Variants in TMOD3 observed in about 807,000 individuals in gnomAD.
The protein encoded by TMOD3 is tropomodulin 3.
In TMOD3, 20 loss-of-function variants were observed where a neutral mutation model predicts 39.2. That is an observed-to-expected ratio of 0.51 (90% CI 0.36 to 0.74). TMOD3 has a LOEUF of 0.74. TMOD3 is among the 30% of genes least tolerant of loss of function. The pLI is 0.00. For synonymous variants in TMOD3, 143 were observed against 145.8 expected (o/e 0.98, Z 0.14); for missense variants, 381 against 412.8 (o/e 0.92, Z 0.67).
At chr15:51,870,174 A>G (rs2056468075) in intron 3 of TMOD3, among the ~76,000 whole-genome samples, 1 of 152,104 alleles carries the variant, frequency 6.6e-6, no homozygotes, top group African/African-American at 2.4e-5. Flanking sequence ...CCTGACCTCA[A>G]GTGATCCACC....
At position 51,843,118 on chromosome 15, in the gene TMOD3, A is replaced by T. The variant is rs552940977; in HGVS notation, c.-75+13282A>T. On this transcript the variant is annotated intron_variant, in intron 1 of 9. Transcript: ENST00000308580. ...TACCTGGAGCACTGCTGATCTTGAG[A>T]GGAGGAAAAAGAGTAGTCAGAGTTG... Among the ~76,000 whole-genome samples, 36 of 152,308 alleles carry T rather than the reference A, an allele frequency of 2.4e-4. No homozygotes were observed. The East Asian group carries it at 4.8e-3, about 20-fold the overall frequency.
chr15:51,871,277 A>G (rs896664127), intron 3 of TMOD3, among the ~76,000 whole-genome samples: 1 of 152,102 alleles, frequency 6.6e-6, no homozygotes, highest in African/African-American at 2.4e-5. Flanking sequence ...CTTCCTTTTT[A>G]TTTGTCAAAG....
rs1474518075 is a variant in TMOD3 at position 51,911,186 on chromosome 15, C to G, written c.*2376C>G. 6.6e-6 allele frequency: 1 copy of G among 152,204 alleles called. No homozygotes were observed. Among genetic ancestry groups the G allele is most frequent in the Non-Finnish European group, 1.5e-5 (1 of 68,030 alleles). The allele number at this position is 152,204 out of a possible 1,614,324, so 9.4% of individuals were successfully genotyped here. A position where few individuals can be genotyped will look rare whatever the true frequency, so the allele number is the denominator to read the frequency against. ...ATTAGTTGATAAATAGTTCCCCCTT[C>G]ATCCCTTAAGTTTTGTTTTTGTTTT... On this transcript the variant is annotated 3_prime_UTR_variant, in exon 10 of 10. Coordinates refer to ENST00000308580, the MANE Select transcript of TMOD3 (RefSeq NM_014547.5).
At position 51,915,330 on chromosome 15, in the gene TMOD3, G is replaced by C. The variant is rs549900717; in HGVS notation, c.*6520G>C. 2.0e-4 allele frequency: 30 copies of C among 151,866 alleles called. 1 individual carries two copies. In the South Asian group the frequency reaches 5.2e-3, roughly 26 times the overall value. The allele number at this position is 151,866 out of a possible 1,614,324, so 9.4% of individuals were successfully genotyped here. A position where few individuals can be genotyped will look rare whatever the true frequency, so the allele number is the denominator to read the frequency against. ...CCATTTAAGAATTGTTTTTTCAAAT[G>C]TATATACACGTATAACATAAAAATT... On this transcript the variant is annotated 3_prime_UTR_variant, in exon 10 of 10. Coordinates refer to ENST00000308580, the MANE Select transcript of TMOD3 (RefSeq NM_014547.5).
At chr15:51,843,203 T>A (rs2056320748) in intron 1 of TMOD3, among the ~76,000 whole-genome samples, 1 of 152,052 alleles carries the variant, frequency 6.6e-6, no homozygotes, top group Non-Finnish European at 1.5e-5. Flanking sequence ...TTGTGCAGCG[T>A]GTGGATAAGA....
chr15:51,888,880 G>GT (rs1458504497), intron 4 of TMOD3, among the ~76,000 whole-genome samples, 176 bp from the exon 5 acceptor site: 1 of 152,100 alleles, frequency 6.6e-6, no homozygotes, highest in Non-Finnish European at 1.5e-5. Context: ...AATAATAAGA[G>GT]TATTGAGGAG....
chr15:51,855,052 G>A (rs12904597), intron 1 of TMOD3, among the ~76,000 whole-genome samples: 1 of 152,224 alleles, frequency 6.6e-6, no homozygotes, highest in Middle Eastern at 3.2e-3. Context: ...GCCTCCACTA[G>A]CTGAAGTTCA....
At chr15:51,877,292 G>T (rs2056509389) in intron 3 of TMOD3, among the ~76,000 whole-genome samples, 1 of 152,084 alleles carries the variant, frequency 6.6e-6, no homozygotes, top group East Asian at 1.9e-4. Context: ...AGTGCTGGAT[G>T]TATTGATATA....
intron 3 of TMOD3, among the ~76,000 whole-genome samples, chr15:51,873,710 AT>A (rs200582229): frequency 0.11 from 16,696 of 146,240 alleles, 1,364 homozygotes; most frequent in African/African-American, 0.23. Flanking sequence ...TGACTGCTTA[AT>A]TTTTTTTTTT....
Position 51,861,097 on chromosome 15 carries a change from C to G in TMOD3, c.-74-1714C>G, listed in dbSNP as rs148551237. 2.5e-4 allele frequency: 145 copies of G among 570,116 alleles called. 4 individuals are homozygous for G. The East Asian group carries it at 6.3e-3, about 25-fold the overall frequency. 35.3% of individuals were successfully genotyped at this position (570,116 alleles called of 1,614,324 possible). On this transcript the variant is annotated intron_variant, in intron 1 of 9. Transcript: ENST00000308580. The stretch of plus-strand genomic sequence containing the variant: ...ATGCGTGTTCTTCTCTGGATCTGTT[C>G]GAAAAGATTAATTTCATGTTGAACA...
chr15:51,893,999 G>C, intron 6 of TMOD3, 54 bp downstream of exon 6: 1 of 1,451,624 alleles, frequency 6.9e-7, no homozygotes, highest in Non-Finnish European at 9.2e-7. Flanking sequence ...TTGAACCTAG[G>C]ATGAGAGCTG....
At chr15:51,859,185 C>A in intron 1 of TMOD3, 1 of 723,014 alleles carries the variant, frequency 1.4e-6, no homozygotes, top group Non-Finnish European at 2.6e-6. Flanking sequence ...TCTTCCTCTT[C>A]ACAAACGGCC....
At chr15:51,842,406 C>T (rs1217567055) in intron 1 of TMOD3, among the ~76,000 whole-genome samples, 1 of 152,146 alleles carries the variant, frequency 6.6e-6, no homozygotes, top group African/African-American at 2.4e-5. Context: ...ATTACTTTTC[C>T]TAGCAAGCCC....
intron 2 of TMOD3, among the ~76,000 whole-genome samples, chr15:51,863,491 C>T (rs943194967): frequency 2.6e-5 from 4 of 152,192 alleles, no homozygotes; most frequent in Admixed American, 1.3e-4. Flanking sequence ...ATCTAAGTAA[C>T]TTCTTGGCAA....
In TMOD3 at chr15:51,896,504, G is replaced by T. The variant is rs759414812; in HGVS notation, c.713G>T (p.Arg238Leu). Reference protein sequence around the residue: ...HVKCFSLAATRSNDPVATAFA... With the variant: ...HVKCFSLAATLSNDPVATAFA... ...AAATGTTTCAGTCTTGCAGCCACCCGGAGCAATGACCCTGTTGCTACTGTA... is the reference window on the plus strand; with the variant it reads ...AAATGTTTCAGTCTTGCAGCCACCCTGAGCAATGACCCTGTTGCTACTGTA... The change falls in exon 7 of 10, where the codon CGG becomes CTG. Residue 238 changes from arginine to leucine, a missense_variant. Physicochemically the swap from Arg to Leu is moderately radical, Grantham distance 102 (BLOSUM62 -2). Coordinates refer to ENST00000308580, the MANE Select transcript of TMOD3 (RefSeq NM_014547.5). The T allele has an allele frequency of 6.2e-7, 1 of 1,613,498 alleles. No individual in the cohort carries two copies. The highest frequency in any genetic ancestry group is 1.3e-5 in the African/African-American group (1 of 74,914).
intron 8 of TMOD3, 112 bp from the exon 9 acceptor site, chr15:51,901,780 G>T (rs1010000532): frequency 1.2e-5 from 13 of 1,068,198 alleles, no homozygotes; most frequent in Non-Finnish European, 1.7e-5. Context: ...TGTAGGAATT[G>T]GGAACATTTA....
intron 2 of TMOD3, among the ~76,000 whole-genome samples, chr15:51,868,130 T>C (rs1489335169): frequency 1.3e-5 from 2 of 152,144 alleles, no homozygotes; most frequent in African/African-American, 4.8e-5. Context: ...GAAGTAAACA[T>C]TAATCTGATA....
In TMOD3 at chr15:51,915,073, T is replaced by C. The variant is rs1191646442; in HGVS notation, c.*6263T>C. ...AGACAGACACCTCTTAGAATCTATA[T>C]ATATGAGGTTTTACTCCCTTTTCTA... On this transcript the variant is annotated 3_prime_UTR_variant, in exon 10 of 10. Transcript: ENST00000308580. 1 of 152,128 alleles carries C rather than the reference T, an allele frequency of 6.6e-6. No individual in the cohort carries two copies. Among genetic ancestry groups the C allele is most frequent in the East Asian group, 1.9e-4 (1 of 5,188 alleles). The allele number at this position is 152,128 out of a possible 1,614,324, so 9.4% of individuals were successfully genotyped here.
chr15:51,831,272 A>G lies in TMOD3; in HGVS notation c.-75+1436A>G, dbSNP rs573806356. ...TGGTATATCCAATATGCCAACCTAC[A>G]TTGTAATTAATAACTTCATCTGAAA... On this transcript the variant is annotated intron_variant, in intron 1 of 9. Coordinates refer to ENST00000308580, the MANE Select transcript of TMOD3 (RefSeq NM_014547.5). Among the ~76,000 whole-genome samples the G allele has an allele frequency of 3.9e-5, 6 of 152,340 alleles. No homozygotes were observed. In the South Asian group the frequency reaches 6.2e-4, roughly 16 times the overall value.
Sources: gnomAD v4.1 joint callset for allele counts (sites outside exome capture counted in the v4.1 genomes callset) on GRCh38, gnomAD v4.1.1 for gene constraint, MANE v1.5 for transcripts, NCBI Gene and HGNC (gene_info 2026-07-23, HGNC 2026-07-21) for gene names.